The following ADCY9 variants were observed in gnomAD, a reference collection of about 807,000 sequenced individuals.
ADCY9 encodes the protein adenylate cyclase type 9.
ADCY9 carries 50 observed loss-of-function variants against 101.5 expected under a neutral mutation model. The observed-to-expected ratio is 0.49, with a 90% CI of 0.39 to 0.62. The LOEUF (loss-of-function observed/expected upper bound fraction) is 0.62. ADCY9 is among the 20% of genes least tolerant of loss of function. The probability of loss-of-function intolerance (pLI) is 0.00; values close to 1 mark genes in which losing one functional copy is unlikely to be tolerated. For synonymous variants in ADCY9, 905 were observed against 769.3 expected, an observed-to-expected ratio of 1.18 and a Z score of -2.92; for missense variants, 1,662 against 1,800.4, an observed-to-expected ratio of 0.92 and a Z score of 1.39.
intron 6 of ADCY9, among the ~76,000 whole-genome samples, chr16:3,987,313 G>C (rs1004164162): frequency 5.9e-5 from 9 of 152,240 alleles, no homozygotes; most frequent in African/African-American, 2.2e-4. Context: ...GCAGAGCAGA[G>C]GCTGAGCGTA....
intron 3 of ADCY9, among the ~76,000 whole-genome samples, chr16:4,005,543 T>C (rs148119699): frequency 5.9e-5 from 9 of 152,308 alleles, no homozygotes; most frequent in African/African-American, 9.6e-5. Flanking sequence ...GTCAACTTGA[T>C]AGATCACAAG....
At chr16:3,980,827 G>C (rs2141687285) in intron 7 of ADCY9, among the ~76,000 whole-genome samples, 1 of 152,374 alleles carries the variant, frequency 6.6e-6, no homozygotes, top group Middle Eastern at 3.4e-3. Flanking sequence ...TCAGCAGCGG[G>C]AAAGATGTGA....
rs546716909 is a variant in ADCY9, at chr16:4,086,939, C to T, written c.1693+26811G>A. The stretch of plus-strand genomic sequence containing the variant: ...CCTCCCAGAGTGCTGGAATTACAGG[C>T]GTGAGCCACCACGCCCAGCCCTCCA... On this transcript the variant is annotated intron_variant, in intron 2 of 10. Transcript: ENST00000294016. Among the ~76,000 whole-genome samples, 272 of 152,188 alleles carry T rather than the reference C, an allele frequency of 1.8e-3. 7 individuals carry two copies. The highest frequency in any genetic ancestry group is 0.016 in the Admixed American group (242 of 15,282).
In ADCY9 at chr16:3,992,241, C is replaced by T. The variant is rs369368225; in HGVS notation, c.2112G>A (p.Gly704=). 1.9e-6 allele frequency: 3 copies of T among 1,614,190 alleles called. No homozygotes were observed. Among genetic ancestry groups the T allele is most frequent in the South Asian group, 2.2e-5 (2 of 91,078 alleles). ...EILQEKGRWA[G]VSLDQSALLP... ...GGAGAGCCGACTGGTCCAGGCTCACCCCTGCCCACCTTCCCTTCTCCTGCA... is the reference window on the plus strand; with the variant it reads ...GGAGAGCCGACTGGTCCAGGCTCACTCCTGCCCACCTTCCCTTCTCCTGCA... The change falls in exon 5 of 11, where the codon GGG becomes GGA. Residue 704 remains glycine (G), a synonymous_variant. Transcript: ENST00000294016. This position sits in a 1 kb window ranked among gnomAD's most constrained non-coding sequence, Gnocchi z 4.2.
At chr16:3,993,160 C>T (rs2056259391) in intron 4 of ADCY9, among the ~76,000 whole-genome samples, 1 of 152,162 alleles carries the variant, frequency 6.6e-6, no homozygotes, top group Non-Finnish European at 1.5e-5. Context: ...ATTTTAAACC[C>T]TTATTGGCCT....
intron 2 of ADCY9, among the ~76,000 whole-genome samples, chr16:4,009,059 C>T (rs1287865402): frequency 6.6e-6 from 1 of 152,056 alleles, no homozygotes; most frequent in Non-Finnish European, 1.5e-5. Flanking sequence ...TAAGTATGGC[C>T]CCATCTCATC....
Position 3,964,092 on chromosome 16 carries a change from GC to G in ADCY9, c.*1682del, listed in dbSNP as rs2055964937. 1 of 152,306 alleles carries G rather than the reference GC, an allele frequency of 6.6e-6. No homozygotes were observed. Among genetic ancestry groups the G allele is most frequent in the Non-Finnish European group, 1.5e-5 (1 of 68,070 alleles). 9.4% of individuals were successfully genotyped at this position (152,306 alleles called of 1,614,324 possible). A position where few individuals can be genotyped will look rare whatever the true frequency, so the allele number is the denominator to read the frequency against. On this transcript the variant is annotated 3_prime_UTR_variant, in exon 11 of 11. Coordinates refer to ENST00000294016, the MANE Select transcript of ADCY9 (RefSeq NM_001116.4). The stretch of plus-strand genomic sequence containing the variant: ...CGGGTCAGAATTGTGACTTCTTCAT[GC>G]CGGGGAGGGCAATCTGTATGTCTCT...
chr16:4,009,976 AGTG>A (rs2056392786), intron 2 of ADCY9, among the ~76,000 whole-genome samples: 1 of 152,224 alleles, frequency 6.6e-6, no homozygotes, highest in African/African-American at 2.4e-5. Flanking sequence ...ACTGACAGCC[AGTG>A]TGACTGTGGA....
At chr16:3,983,011 A>C (rs2531983) in intron 7 of ADCY9, 433,452 of 583,242 alleles carry the variant, frequency 0.74, 166,332 homozygotes, top group Non-Finnish European at 0.82. Flanking sequence ...CTGTGGAGGC[A>C]CCGCCCCCTC....
chr16:4,081,425 T>C (rs562756233), intron 2 of ADCY9, among the ~76,000 whole-genome samples: 23 of 152,382 alleles, frequency 1.5e-4, no homozygotes, highest in African/African-American at 5.5e-4. Flanking sequence ...GCTAATGCTT[T>C]GCAGAGCTCC....
At chr16:4,018,214 CTTTTTTTT>C (rs771932084) in intron 2 of ADCY9, among the ~76,000 whole-genome samples, 1 of 141,386 alleles carries the variant, frequency 7.1e-6, no homozygotes, top group Non-Finnish European at 1.5e-5. Context: ...ATATTCTTCT[CTTTTTTTT>C]TTTTTTTTTG....
chr16:4,106,778 G>T (rs950813531), intron 2 of ADCY9, among the ~76,000 whole-genome samples: 1 of 152,180 alleles, frequency 6.6e-6, no homozygotes, highest in Non-Finnish European at 1.5e-5. Context: ...TGGTTGGTTG[G>T]TTTTTTTCCA....
intron 8 of ADCY9, among the ~76,000 whole-genome samples, chr16:3,977,879 G>A (rs898568450): frequency 4.6e-5 from 7 of 151,948 alleles, no homozygotes; most frequent in African/African-American, 1.5e-4. Context: ...ACCACACCTC[G>A]CTAATTTTTG....
Position 3,979,292 on chromosome 16 carries a change from G to A in ADCY9, c.2520-17C>T. On this transcript the variant is annotated splice_polypyrimidine_tract_variant and intron_variant, in intron 7 of 10. Transcript: ENST00000294016. ...AACACCATCCTGCGAGAGGCATGGG[G>A]GTTAGCAGGAGCGACGGGGCCCGGG... The A allele has an allele frequency of 6.2e-7, 1 of 1,612,734 alleles. No homozygotes were observed. The highest frequency in any genetic ancestry group is 8.5e-7 in the Non-Finnish European group (1 of 1,179,390).
intron 2 of ADCY9, among the ~76,000 whole-genome samples, chr16:4,101,376 C>T (rs1219367887): frequency 6.6e-6 from 1 of 150,718 alleles, no homozygotes; most frequent in Non-Finnish European, 1.5e-5. Flanking sequence ...ACCACCTGGG[C>T]TCAAACGATC....
intron 8 of ADCY9, 59 bp downstream of exon 8, chr16:3,979,057 A>T: frequency 1.3e-6 from 2 of 1,599,086 alleles, no homozygotes; most frequent in Non-Finnish European, 1.7e-6. Flanking sequence ...GATTTAAAGA[A>T]AAGAGAGATT....
At chr16:4,025,206 A>AAT (rs1567442786) in intron 2 of ADCY9, among the ~76,000 whole-genome samples, 1 of 151,888 alleles carries the variant, frequency 6.6e-6, no homozygotes. Flanking sequence ...TCTATTAAAA[A>AAT]ATATATATAT....
chr16:4,083,260 T>C (rs1249874921), intron 2 of ADCY9, among the ~76,000 whole-genome samples: 1 of 152,192 alleles, frequency 6.6e-6, no homozygotes, highest in Admixed American at 6.5e-5. Flanking sequence ...CATAAAGTCT[T>C]TTTTTTAGAA....
intron 2 of ADCY9, among the ~76,000 whole-genome samples, chr16:4,016,840 C>A (rs568306222): frequency 6.6e-6 from 1 of 152,258 alleles, no homozygotes; most frequent in South Asian, 2.1e-4. Context: ...GAGGGTGTAA[C>A]TGCTAACGGA....
Sources: gnomAD v4.1 joint callset for allele counts (sites outside exome capture counted in the v4.1 genomes callset) on GRCh38, gnomAD v4.1.1 for gene constraint, Gnocchi (gnomAD v3.1) non-coding constraint, MANE v1.5 for transcripts, NCBI Gene and HGNC (gene_info 2026-07-23, HGNC 2026-07-21) for gene names.